Variants in ERAP2 observed in about 807,000 individuals in gnomAD.
The protein encoded by ERAP2 is leukocyte-derived arginine aminopeptidase.
ERAP2 carries 118 observed loss-of-function variants against 111.1 expected under a neutral mutation model. The ratio of observed to expected loss-of-function variants is 1.06; its 90% confidence interval spans 0.92 to 1.24. ERAP2 has a LOEUF of 1.24. Ranked by LOEUF, ERAP2 falls within the 50% of genes most tolerant of loss-of-function variation. The pLI is 0.00. For synonymous variants in ERAP2, 410 were observed against 401.2 expected (o/e 1.02, Z -0.26); for missense variants, 1,131 against 1,125.8 (o/e 1.00, Z -0.07).
intron 4 of ERAP2, among the ~76,000 whole-genome samples, chr5:96,888,511 CAGTG>C (rs1449150096): frequency 6.6e-6 from 1 of 152,220 alleles, no homozygotes; most frequent in Non-Finnish European, 1.5e-5. Context: ...GCATTCAGCA[CAGTG>C]CCTGGTAAAC....
intron 2 of ERAP2, 93 bp downstream of exon 2, chr5:96,880,353 T>A (rs542279689): frequency 1.7e-6 from 2 of 1,178,786 alleles, no homozygotes; most frequent in South Asian, 1.6e-5. Context: ...CAGCCATTTA[T>A]GAGAAATCCA....
chr5:96,909,134 G>T lies in ERAP2; in HGVS notation c.2169+17G>T. The T allele has an allele frequency of 5.0e-6, 8 of 1,611,758 alleles. No individual in the cohort carries two copies. Among genetic ancestry groups the T allele is most frequent in the Non-Finnish European group, 6.8e-6 (8 of 1,178,018 alleles). ...AACCTCAAGGTTTGTGTTGCTTTTA[G>T]AAAATGTATTAAGTAAATACACAGT... On this transcript the variant is annotated intron_variant, in intron 14 of 18. Coordinates refer to ENST00000437043, the MANE Select transcript of ERAP2 (RefSeq NM_022350.5).
chr5:96,912,614 C>T, intron 15 of ERAP2, 23 bp from the exon 16 acceptor site: 1 of 1,568,036 alleles, frequency 6.4e-7, no homozygotes, highest in Non-Finnish European at 8.6e-7. Context: ...ACTTTTTCTT[C>T]ATTTTTATGC....
At chr5:96,909,441 A>T in intron 14 of ERAP2, 139 bp from the exon 15 acceptor site, 1 of 707,098 alleles carries the variant, frequency 1.4e-6, no homozygotes, top group East Asian at 2.6e-5. Flanking sequence ...AGAAAAAGAT[A>T]AGAGAAATAC....
At position 96,900,199 on chromosome 5, in the gene ERAP2, A is replaced by C; in HGVS notation, c.1572+10A>C. 6.2e-7 allele frequency: 1 copy of C among 1,613,524 alleles called. No individual in the cohort carries two copies. The highest frequency in any genetic ancestry group is 8.5e-7 in the Non-Finnish European group (1 of 1,179,748). ...GATGACAAGTAACATGGTAAGGATAAAGAGAGTCACAGAGTAGAAGAGATC... is the reference window on the plus strand; with the variant it reads ...GATGACAAGTAACATGGTAAGGATACAGAGAGTCACAGAGTAGAAGAGATC... On this transcript the variant is annotated intron_variant, in intron 10 of 18. Transcript: ENST00000437043.
chr5:96,919,711 T>G (rs1330262920), downstream of ERAP2: 1 of 152,324 alleles, frequency 6.6e-6, no homozygotes, highest in African/African-American at 2.4e-5. Flanking sequence ...AAATGTATTG[T>G]ACTTATTAGT....
Position 96,915,591 on chromosome 5 carries a change from CAT to C in ERAP2, c.2658-95_2658-94del, listed in dbSNP as rs1196117706. 27 of 570,200 alleles carry C rather than the reference CAT, an allele frequency of 4.7e-5. No homozygotes were observed. The East Asian group carries it at 5.6e-4, about 12-fold the overall frequency. The allele number at this position is 570,200 out of a possible 1,614,324, so 35.3% of individuals were successfully genotyped here. On this transcript the variant is annotated intron_variant, in intron 17 of 18. Transcript: ENST00000437043. ...TCTATTGTAATACACAAGCTTATCA[CAT>C]AGTTATTAATATACATTAAAAATAT... is the stretch of plus-strand genomic sequence containing the variant.
At chr5:96,917,344 C>T (rs1787530209) in intron 18 of ERAP2, 118 bp from the exon 19 acceptor site, 2 of 818,908 alleles carry the variant, frequency 2.4e-6, no homozygotes, top group Non-Finnish European at 3.8e-6. Context: ...TCGTATTGAA[C>T]TCCTGAGCTC....
chr5:96,907,883 CA>C (rs61258566), intron 13 of ERAP2, among the ~76,000 whole-genome samples: 10,922 of 147,718 alleles, frequency 0.074, 719 homozygotes, highest in African/African-American at 0.17. Context: ...AACTCTGTCT[CA>C]AAAAAAAAAA....
intron 15 of ERAP2, 118 bp downstream of exon 15, chr5:96,909,882 G>C (rs765896374): frequency 9.6e-5 from 97 of 1,015,256 alleles, no homozygotes; most frequent in Non-Finnish European, 1.3e-4. Flanking sequence ...AACATGCTGG[G>C]CATTACAAAC....
intron 3 of ERAP2, among the ~76,000 whole-genome samples, 157 bp downstream of exon 3, chr5:96,884,087 T>C (rs866053194): frequency 2.6e-5 from 4 of 151,592 alleles, no homozygotes; most frequent in Non-Finnish European, 5.9e-5. Context: ...TCTATCATCA[T>C]AATTTCAATC....
intron 2 of ERAP2, 98 bp downstream of exon 2, chr5:96,880,358 A>T: frequency 9.0e-7 from 1 of 1,107,330 alleles, no homozygotes; most frequent in Non-Finnish European, 1.3e-6. Context: ...ATTTATGAGA[A>T]ATCCAGTGAA....
chr5:96,907,845 T>G (rs1201044633), intron 13 of ERAP2, among the ~76,000 whole-genome samples: 1 of 151,440 alleles, frequency 6.6e-6, no homozygotes, highest in Non-Finnish European at 1.5e-5. Flanking sequence ...ATTATGCCAT[T>G]GTACTCCAGC....
At position 96,912,736 on chromosome 5, in the gene ERAP2, T is replaced by G. The variant is rs200211238; in HGVS notation, c.2454T>G (p.Ser818Arg). 6 of 1,602,268 alleles carry G rather than the reference T, an allele frequency of 3.7e-6. No homozygotes were observed. The highest frequency in any genetic ancestry group is 4.5e-5 in the East Asian group (2 of 44,238). The change falls in exon 16 of 19, where the codon AGT (serine) becomes AGG (arginine). Residue 818 changes from serine to arginine, a missense_variant. Physicochemically the swap from Ser to Arg is moderately radical, Grantham distance 110. Transcript: ENST00000437043. The part of the protein sequence containing the change: ...LLEQYELSMS[S>R]AEQNKILYAL... ...AGCAATATGAACTGTCAATGTCAAG[T>G]GCTGAACAAAACAAAATTCTGTATG...
chr5:96,906,128 T>C (rs1000047069), intron 13 of ERAP2, among the ~76,000 whole-genome samples: 1 of 152,038 alleles, frequency 6.6e-6, no homozygotes, highest in African/African-American at 2.4e-5. Context: ...GGACAAGACA[T>C]TGTCATCCAA....
intron 11 of ERAP2, 94 bp downstream of exon 11, chr5:96,901,775 G>A (rs1489113246): frequency 2.3e-6 from 3 of 1,281,172 alleles, no homozygotes; most frequent in Non-Finnish European, 3.2e-6. Flanking sequence ...AACTTTGTAG[G>A]ATGCTAGTTC....
intron 1 of ERAP2, among the ~76,000 whole-genome samples, chr5:96,877,051 T>C (rs1157145161): frequency 6.6e-6 from 1 of 152,206 alleles, no homozygotes; most frequent in African/African-American, 2.4e-5. Context: ...CTCGGCTCAC[T>C]GCAACTTCCA....
In ERAP2 at chr5:96,911,866, C is replaced by CAA. The variant is rs386358295; in HGVS notation, c.2355-757_2355-756dup. Reference sequence around the variant, plus strand: ...TGAACAACAGAGTAAGACCCTGTCTCAAAAAAAAAAAAAAAGAAAGAAAGA... The same window carrying CAA: ...TGAACAACAGAGTAAGACCCTGTCTCAAAAAAAAAAAAAAAAAGAAAGAAAGA... On this transcript the variant is annotated intron_variant, in intron 15 of 18. Coordinates refer to ENST00000437043, the MANE Select transcript of ERAP2 (RefSeq NM_022350.5). Among the ~76,000 whole-genome samples, 9 of 56,662 alleles carry CAA rather than the reference C, an allele frequency of 1.6e-4. No homozygotes were observed. In the East Asian group the frequency reaches 2.0e-3, roughly 13 times the overall value. The allele number at this position is 56,662 out of a possible 152,430, so 37.2% of individuals were successfully genotyped here. A position where few individuals can be genotyped will look rare whatever the true frequency, so the allele number is the denominator to read the frequency against.
In ERAP2 at chr5:96,880,162, C is replaced by G; in HGVS notation, c.477C>G (p.His159Gln). Residue 159 changes from histidine (H) to glutamine (Q), a missense_variant, in exon 2 of 19, where the codon CAC (histidine) becomes CAG (glutamine). Physicochemically the swap from His to Gln is conservative, Grantham distance 24. Transcript: ENST00000437043. ...ALLVPEKLTP[H>Q]LKYYVAMDFQ... Reference sequence around the variant, plus strand: ...TGGTTCCAGAGAAACTTACGCCTCACCTGAAATACTATGTGGCTATGGACT... The same window carrying G: ...TGGTTCCAGAGAAACTTACGCCTCAGCTGAAATACTATGTGGCTATGGACT... 1 of 1,614,052 alleles carries G rather than the reference C, an allele frequency of 6.2e-7. No homozygotes were observed.
Sources: allele counts gnomAD v4.1 joint callset (sites outside exome capture counted in the v4.1 genomes callset), GRCh38; gene constraint gnomAD v4.1.1; transcripts MANE v1.5; gene names NCBI Gene and HGNC (gene_info 2026-07-23, HGNC 2026-07-21).